CSPG4: variants seen among roughly 807,000 people sequenced by gnomAD.
The protein encoded by CSPG4 is chondroitin sulfate proteoglycan 4 (melanoma-associated).
In CSPG4, 74 loss-of-function variants were observed where a neutral mutation model predicts 139.3. The observed-to-expected ratio is 0.53, with a 90% CI of 0.44 to 0.64. The LOEUF (loss-of-function observed/expected upper bound fraction) is 0.64, where lower values mean the gene tolerates loss of function less well. Ranked by LOEUF, CSPG4 falls within the 30% of genes least tolerant of loss-of-function variation. CSPG4 has a pLI of 0.00. For synonymous variants in CSPG4, 1,234 were observed against 1,394.2 expected (o/e 0.89, Z 2.56); for missense variants, 2,565 against 3,148.3 (o/e 0.81, Z 4.43).
intron 1 of CSPG4, among the ~76,000 whole-genome samples, chr15:75,709,131 C>G (rs1426575491): frequency 1.3e-5 from 2 of 152,212 alleles, no homozygotes; most frequent in Non-Finnish European, 2.9e-5. Context: ...GCTAGGAACC[C>G]TTGCCCCACG....
chr15:75,712,881 C>CGG, upstream of CSPG4: 1 of 729,332 alleles, frequency 1.4e-6, no homozygotes, highest in Non-Finnish European at 2.1e-6. Flanking sequence ...CACTTAACTC[C>CGG]GGGGGCGGGG....
chr15:75,677,317 C>A lies in CSPG4; in HGVS notation c.5202G>T (p.Leu1734Phe). ...TVAALDASNL[L>F]ASVPSPQRSE... ...AGCGCTGGGGTGATGGAACGCTGGCCAAGAGATTGGAGGCATCCAGAGCAG... is the reference window on the plus strand; with the variant it reads ...AGCGCTGGGGTGATGGAACGCTGGCAAAGAGATTGGAGGCATCCAGAGCAG... The change falls in exon 10 of 10, where the codon TTG becomes TTT. Residue 1734 changes from leucine to phenylalanine, a missense_variant. Leu to Phe is a conservative substitution (Grantham distance 22). Transcript: ENST00000308508. 7.0e-7 allele frequency: 1 copy of A among 1,426,832 alleles called. No individual in the cohort carries two copies. The highest frequency in any genetic ancestry group is 1.4e-5 in the African/African-American group (1 of 69,032). The allele number at this position is 1,426,832 out of a possible 1,614,324, so 88.4% of individuals were successfully genotyped here.
chr15:75,699,510 C>A (rs62028868), intron 1 of CSPG4, among the ~76,000 whole-genome samples: 42,459 of 152,152 alleles, frequency 0.28, 6,368 homozygotes, highest in Non-Finnish European at 0.34. Flanking sequence ...GTTGAGGGAA[C>A]CCGTCTGGAA....
At position 75,681,330 on chromosome 15, in the gene CSPG4, G is replaced by C. The variant is rs1419280296; in HGVS notation, c.4950+963C>G. Among the ~76,000 whole-genome samples the C allele has an allele frequency of 1.4e-4, 21 of 148,166 alleles. No homozygotes were observed. The Admixed American group carries it at 1.4e-3, about 10-fold the overall frequency. ...CCATCTGCACCTCTCAGGAGGGAGA[G>C]TGCCAGGCTCAGGAGTCCCTGCCGA... On this transcript the variant is annotated intron_variant, in intron 8 of 9. Transcript: ENST00000308508.
At chr15:75,694,359 T>C (rs1894200601) in intron 1 of CSPG4, among the ~76,000 whole-genome samples, 1 of 152,234 alleles carries the variant, frequency 6.6e-6, no homozygotes, top group Non-Finnish European at 1.5e-5. Context: ...ATGCCTTTTG[T>C]GGTGATAAGA....
intron 1 of CSPG4, 87 bp downstream of exon 1, chr15:75,712,581 C>G: frequency 3.3e-5 from 44 of 1,340,442 alleles, no homozygotes; most frequent in Non-Finnish European, 4.5e-5. Flanking sequence ...CTGGGGGCCA[C>G]TTCTGGCTCC....
chr15:75,675,752 T>A lies in CSPG4; in HGVS notation c.6767A>T (p.Asp2256Val). 6.2e-7 allele frequency: 1 copy of A among 1,610,184 alleles called. No homozygotes were observed. The highest frequency in any genetic ancestry group is 8.5e-7 in the Non-Finnish European group (1 of 1,177,378). ...LRKRNKTGKH[D>V]VQVLTAKPRN... ...GGGCTTGGCAGTCAGGACCTGGACG[T>A]CATGCTTGCCCGTCTTGTTGCGTTT... Residue 2256 changes from aspartate to valine, a missense_variant, in exon 10 of 10, where the codon GAC becomes GTC. Around this residue, in one of 5 missense-constraint regions of CSPG4, gnomAD observed 2,316 missense variants for 2,818.2 expected, o/e 0.82. Coordinates refer to ENST00000308508, the MANE Select transcript of CSPG4 (RefSeq NM_001897.5).
intron 1 of CSPG4, among the ~76,000 whole-genome samples, chr15:75,707,321 T>A (rs985778815): frequency 1.3e-5 from 2 of 152,218 alleles, no homozygotes; most frequent in African/African-American, 2.4e-5. Flanking sequence ...AAATCTATAA[T>A]GTTACCTTCA....
chr15:75,687,564 G>A lies in CSPG4; in HGVS notation c.3501C>T (p.His1167=), dbSNP rs118021045. 7,162 of 1,610,736 alleles carry A rather than the reference G, an allele frequency of 4.4e-3. 27 individuals carry two copies. The highest frequency in any genetic ancestry group is 5.0e-3 in the Non-Finnish European group (5,901 of 1,178,440). ...DIRSGDEVHY[H]VTAGPRWGQL... The stretch of plus-strand genomic sequence containing the variant: ...GTCCCCAGCGAGGGCCAGCTGTGAC[G>A]TGGTAGTGGACCTCATCCCCACTGC... Residue 1167 remains histidine (H), a synonymous_variant, in exon 3 of 10, where the codon CAC becomes CAT. Transcript: ENST00000308508. This position sits in a 1 kb window ranked among gnomAD's most constrained non-coding sequence, Gnocchi z 5.4.
In CSPG4 at chr15:75,707,650, C is replaced by T. The variant is rs183592409; in HGVS notation, c.88+5018G>A. On this transcript the variant is annotated intron_variant, in intron 1 of 9. Coordinates refer to ENST00000308508, the MANE Select transcript of CSPG4 (RefSeq NM_001897.5). ...CTTGGGGAAGGACATCTTCCAAGGG[C>T]CCTTAGTACCAATCTTCATGGAACC... 1.9e-3 allele frequency among the ~76,000 whole-genome samples: 292 copies of T among 152,344 alleles called. 1 individual carries two copies. The East Asian group carries it at 0.023, about 12-fold the overall frequency.
chr15:75,710,956 G>A (rs963745055), intron 1 of CSPG4, among the ~76,000 whole-genome samples: 3 of 152,126 alleles, frequency 2.0e-5, no homozygotes, highest in African/African-American at 7.2e-5. Flanking sequence ...CAGGGCATAA[G>A]GCCGTGGGCT....
At chr15:75,690,913 G>A (rs1894157583) in intron 2 of CSPG4, 101 bp from the exon 3 acceptor site, 1 of 1,320,892 alleles carries the variant, frequency 7.6e-7, no homozygotes, top group Non-Finnish European at 1.0e-6. Flanking sequence ...GGTGGCTCAT[G>A]CCTGTAATCC....
At position 75,677,370 on chromosome 15, in the gene CSPG4, C is replaced by T. The variant is rs905291973; in HGVS notation, c.5149G>A (p.Glu1717Lys). 4.3e-6 allele frequency: 6 copies of T among 1,394,864 alleles called. No homozygotes were observed. In the African/African-American group the frequency reaches 4.4e-5, roughly 10 times the overall value. The allele number at this position is 1,394,864 out of a possible 1,614,324, so 86.4% of individuals were successfully genotyped here. A position where few individuals can be genotyped will look rare whatever the true frequency, so the allele number is the denominator to read the frequency against. Residue 1717 changes from glutamate (E) to lysine (K), a missense_variant, in exon 10 of 10, where the codon GAG becomes AAG. Around this residue, in one of 5 missense-constraint regions of CSPG4, gnomAD observed 2,316 missense variants for 2,818.2 expected, o/e 0.82. Transcript: ENST00000308508. Reference protein sequence around the residue: ...LWKNKGLWVPEGQRARITVAA... With the variant: ...LWKNKGLWVPKGQRARITVAA... The stretch of plus-strand genomic sequence containing the variant: ...ACGGTGATCCTGGCCCGCTGGCCCT[C>T]GGGGACCCAGAGACCTGGGGGTGGG...
At chr15:75,705,947 G>GT (rs1010875006) in intron 1 of CSPG4, among the ~76,000 whole-genome samples, 10 of 152,198 alleles carry the variant, frequency 6.6e-5, no homozygotes, top group Admixed American at 6.5e-4. Context: ...GCATGTGTCT[G>GT]TGTCTGTATG....
intron 1 of CSPG4, among the ~76,000 whole-genome samples, chr15:75,706,175 G>A (rs1459761690): frequency 1.3e-5 from 2 of 152,216 alleles, no homozygotes; most frequent in Non-Finnish European, 2.9e-5. Flanking sequence ...CTGAAATGTG[G>A]GTGGGGGAAG....
At chr15:75,701,974 C>T (rs1221548507) in intron 1 of CSPG4, among the ~76,000 whole-genome samples, 6 of 152,266 alleles carry the variant, frequency 3.9e-5, no homozygotes, top group Admixed American at 1.3e-4. Context: ...CCTTCAACTT[C>T]ATCTTCCTCT....
Position 75,684,931 on chromosome 15 carries a change from C to T in CSPG4, c.4273-19G>A. 6.3e-7 allele frequency: 1 copy of T among 1,599,610 alleles called. No individual in the cohort carries two copies. Among genetic ancestry groups the T allele is most frequent in the Non-Finnish European group, 8.6e-7 (1 of 1,168,610 alleles). ...CTTCCACCTAGGGGCAGGCCCAGGG[C>T]TGGCAGTCAGGCCCCAGCAGCACCC... On this transcript the variant is annotated intron_variant, in intron 4 of 9. Coordinates refer to ENST00000308508, the MANE Select transcript of CSPG4 (RefSeq NM_001897.5).
At position 75,712,834 on chromosome 15, in the gene CSPG4, T is replaced by C. The variant is rs1894465919; in HGVS notation, c.-79A>G. ...GGGAGCTGAGTGGAGCGAGCGCGGC[T>C]CTGCTCCTGGGCGCGGGCCGGCTCC... On this transcript the variant is annotated 5_prime_UTR_variant, in exon 1 of 10. Transcript: ENST00000308508. The C allele has an allele frequency of 7.8e-7, 1 of 1,284,884 alleles. No individual in the cohort carries two copies. Among genetic ancestry groups the C allele is most frequent in the Admixed American group, 2.8e-5 (1 of 35,942 alleles). 79.6% of individuals were successfully genotyped at this position (1,284,884 alleles called of 1,614,324 possible).
In CSPG4 at chr15:75,688,844, C is replaced by T. The variant is rs146067513; in HGVS notation, c.2221G>A (p.Val741Met). The change falls in exon 3 of 10, where the codon GTG (valine) becomes ATG (methionine). Residue 741 changes from valine to methionine, a missense_variant. By Grantham distance (21) the Val-to-Met change is conservative. Coordinates refer to ENST00000308508, the MANE Select transcript of CSPG4 (RefSeq NM_001897.5). ...FHQRDVEQGRVRYLSTDPQHH... is the reference protein window; with the variant it reads ...FHQRDVEQGRMRYLSTDPQHH... Reference sequence around the variant, plus strand: ...TGTGGGTCAGTGCTCAGGTACCTCACGCGGCCCTGCTCCACATCCCGCTGG... The same window carrying T: ...TGTGGGTCAGTGCTCAGGTACCTCATGCGGCCCTGCTCCACATCCCGCTGG... 2,228 of 1,612,584 alleles carry T rather than the reference C, an allele frequency of 1.4e-3. 4 individuals are homozygous for T. The highest frequency in any genetic ancestry group is 1.5e-3 in the Non-Finnish European group (1,795 of 1,179,974).
Sources: gnomAD v4.1 joint callset for allele counts (sites outside exome capture counted in the v4.1 genomes callset) on GRCh38, gnomAD v4.1.1 for gene constraint, gnomAD v4.1.1 regional missense constraint, Gnocchi (gnomAD v3.1) non-coding constraint, MANE v1.5 for transcripts, NCBI Gene and HGNC (gene_info 2026-07-23, HGNC 2026-07-21) for gene names.